RNF19A: variants seen among roughly 807,000 people sequenced by gnomAD.
RNF19A encodes E3 ubiquitin-protein ligase RNF19A.
A neutral mutation model predicts 75.7 loss-of-function variants in RNF19A; 32 were observed. That is an observed-to-expected ratio of 0.42 (90% CI 0.32 to 0.57). RNF19A has a LOEUF of 0.57. Among genes scored for constraint, RNF19A ranks in the 20% least tolerant of loss-of-function variants. The pLI, the probability that RNF19A is intolerant of heterozygous loss-of-function variation, is 0.10. For synonymous variants in RNF19A, 335 were observed against 345.2 expected (o/e 0.97, Z 0.33); for missense variants, 782 against 1,036.3 (o/e 0.75, Z 3.37).
Position 100,258,788 on chromosome 8 carries a change from T to G in RNF19A, c.2285A>C (p.Glu762Ala), listed in dbSNP as rs774770215. ...TRFATVNILPEVENDRLENSP... is the reference protein window; with the variant it reads ...TRFATVNILPAVENDRLENSP... ...ATTTTCCAGACGGTCATTTTCTACC[T>G]CAGGAAGAATGTTAACAGTAGCAAA... The change falls in exon 10 of 10, where the codon GAG becomes GCG. Residue 762 changes from glutamate to alanine, a missense_variant. This residue lies in a region of RNF19A where 442 missense variants were observed against 541.6 expected (regional missense o/e 0.82). Transcript: ENST00000341084. This position sits in a 1 kb window ranked among gnomAD's most constrained non-coding sequence, Gnocchi z 4.3. 25 of 1,614,070 alleles carry G rather than the reference T, an allele frequency of 1.5e-5. No homozygotes were observed. The Admixed American group carries it at 4.2e-4, about 27-fold the overall frequency.
chr8:100,272,044 C>A (rs1045124244), intron 3 of RNF19A, among the ~76,000 whole-genome samples: 6 of 152,128 alleles, frequency 3.9e-5, no homozygotes, highest in Admixed American at 2.0e-4. Flanking sequence ...TTACAAAACA[C>A]CATGTCCTCA....
intron 1 of RNF19A, among the ~76,000 whole-genome samples, chr8:100,301,398 C>T (rs1821820701): frequency 6.6e-6 from 1 of 152,172 alleles, no homozygotes; most frequent in African/African-American, 2.4e-5. Flanking sequence ...TTACAAATTT[C>T]CACTGGTTTC....
chr8:100,307,542 C>G (rs1409003430), intron 1 of RNF19A, among the ~76,000 whole-genome samples: 1 of 148,714 alleles, frequency 6.7e-6, no homozygotes, highest in Non-Finnish European at 1.5e-5. Context: ...TACAAACTGC[C>G]GCAACAAAAA....
rs963641195 is a variant in RNF19A at position 100,264,892 on chromosome 8, G to A, written c.1192-107C>T. 8 of 780,128 alleles carry A rather than the reference G, an allele frequency of 1.0e-5. No individual in the cohort carries two copies. The highest frequency in any genetic ancestry group is 1.7e-5 in the African/African-American group (1 of 57,570). The allele number at this position is 780,128 out of a possible 1,614,324, so 48.3% of individuals were successfully genotyped here. On this transcript the variant is annotated intron_variant, in intron 5 of 9. Transcript: ENST00000341084. The surrounding 1 kb of genome is among the most constrained non-coding windows in gnomAD (Gnocchi z 4.7). ...CTAAAGTGATTTTTCATAGAAGTTC[G>A]TAGCTGAGTATCTTAGTTCAAGGTA...
chr8:100,333,195 GATGCTTTCTGCC>G lies in RNF19A; in HGVS notation c.-243+2901_-243+2912del, dbSNP rs1822632356. On this transcript the variant is annotated intron_variant, in intron 1 of 3. Coordinates refer to the RNF19A transcript ENST00000519527. The surrounding 1 kb of genome is among the most constrained non-coding windows in gnomAD (Gnocchi z 4.7). Reference sequence around the variant, plus strand: ...GTCTTGCTCTTCCTCTTGTCCATGTGATGCTTTCTGCCATGTAATGATGTAGCAAGATGGCCC... The same window carrying G: ...GTCTTGCTCTTCCTCTTGTCCATGTGATGTAATGATGTAGCAAGATGGCCC... Among the ~76,000 whole-genome samples, 1 of 152,156 alleles carries G rather than the reference GATGCTTTCTGCC, an allele frequency of 6.6e-6. No individual in the cohort carries two copies. Among genetic ancestry groups the G allele is most frequent in the African/African-American group, 2.4e-5 (1 of 41,434 alleles).
At chr8:100,296,913 T>C (rs1382299349) in intron 1 of RNF19A, among the ~76,000 whole-genome samples, 4 of 152,208 alleles carry the variant, frequency 2.6e-5, no homozygotes, top group Admixed American at 2.0e-4. Flanking sequence ...AGTCTCCGAT[T>C]CATCACACAA....
intron 1 of RNF19A, among the ~76,000 whole-genome samples, chr8:100,290,009 G>A (rs924138806): frequency 2.0e-5 from 3 of 152,156 alleles, no homozygotes; most frequent in Non-Finnish European, 2.9e-5. Flanking sequence ...TCATACAAAA[G>A]AGTATGTGGT....
chr8:100,335,824 G>A (rs749511100), intron 1 of RNF19A, among the ~76,000 whole-genome samples: 9 of 152,200 alleles, frequency 5.9e-5, no homozygotes, highest in African/African-American at 9.7e-5. Context: ...GCGGAGGTGC[G>A]GGCCTAGACA....
At chr8:100,282,972 A>G (rs1285312550) in intron 2 of RNF19A, among the ~76,000 whole-genome samples, 2 of 152,226 alleles carry the variant, frequency 1.3e-5, no homozygotes, top group Non-Finnish European at 2.9e-5. Flanking sequence ...ACCCAAATGT[A>G]TATGAGTTAT....
upstream of RNF19A, among the ~76,000 whole-genome samples, chr8:100,310,760 A>ATT (rs10715614): frequency 6.7e-6 from 1 of 150,320 alleles, no homozygotes; most frequent in South Asian, 2.1e-4. Context: ...CTTTTATTTC[A>ATT]TTTTTTTTTT....
rs1160023930 is a variant in RNF19A at position 100,264,299 on chromosome 8, G to T, written c.1307-104C>A. The stretch of plus-strand genomic sequence containing the variant: ...TCAAGAGAGTCATACAGAGAAAAGC[G>T]CCAGGGTTCTGAAGAGTTGGCTGGA... On this transcript the variant is annotated intron_variant, in intron 6 of 9. Coordinates refer to ENST00000341084, the MANE Select transcript of RNF19A (RefSeq NM_183419.4). This position sits in a 1 kb window ranked among gnomAD's most constrained non-coding sequence, Gnocchi z 4.7. 16 of 1,008,544 alleles carry T rather than the reference G, an allele frequency of 1.6e-5. No individual in the cohort carries two copies. The highest frequency in any genetic ancestry group is 2.3e-5 in the Non-Finnish European group (16 of 706,902). 62.5% of individuals were successfully genotyped at this position (1,008,544 alleles called of 1,614,324 possible). A position where few individuals can be genotyped will look rare whatever the true frequency, so the allele number is the denominator to read the frequency against.
At position 100,324,278 on chromosome 8, in the gene RNF19A, G is replaced by A. The variant is rs948669035; in HGVS notation, c.-242-10906C>T. 6.6e-6 allele frequency among the ~76,000 whole-genome samples: 1 copy of A among 152,038 alleles called. No individual in the cohort carries two copies. The highest frequency in any genetic ancestry group is 6.6e-5 in the Admixed American group (1 of 15,260). Reference sequence around the variant, plus strand: ...AATAATTTAGTGGCAAGCATTTTGGGGTATAGAAACAATACTTGAGACTAT... The same window carrying A: ...AATAATTTAGTGGCAAGCATTTTGGAGTATAGAAACAATACTTGAGACTAT... On this transcript the variant is annotated intron_variant, in intron 1 of 3. Transcript: ENST00000519527. This position sits in a 1 kb window ranked among gnomAD's most constrained non-coding sequence, Gnocchi z 4.2.
chr8:100,258,132 C>A lies in RNF19A; in HGVS notation c.*424G>T. 2.5e-6 allele frequency: 1 copy of A among 403,508 alleles called. No homozygotes were observed. The highest frequency in any genetic ancestry group is 1.2e-4 in the South Asian group (1 of 8,196). The allele number at this position is 403,508 out of a possible 1,614,324, so 25.0% of individuals were successfully genotyped here. On this transcript the variant is annotated 3_prime_UTR_variant, in exon 10 of 10. Transcript: ENST00000341084. This position sits in a 1 kb window ranked among gnomAD's most constrained non-coding sequence, Gnocchi z 4.3. ...TATACTGAGAGTAACCTATGCAGTT[C>A]TTTTAAACTTATCTCTTTAGTGGTT...
rs1298548331 is a variant in RNF19A at position 100,325,089 on chromosome 8, G to A, written c.-243+11019C>T. Among the ~76,000 whole-genome samples the A allele has an allele frequency of 6.6e-6, 1 of 152,048 alleles. No individual in the cohort carries two copies. The highest frequency in any genetic ancestry group is 2.4e-5 in the African/African-American group (1 of 41,388). The stretch of plus-strand genomic sequence containing the variant: ...AACCGGCTAATTTTTTGTATTTTTA[G>A]TAGAGATGGGGTTTCACCATGTTGG... On this transcript the variant is annotated intron_variant, in intron 1 of 3. Coordinates refer to the RNF19A transcript ENST00000519527. The surrounding 1 kb of genome is among the most constrained non-coding windows in gnomAD (Gnocchi z 4.3).
intron 5 of RNF19A, among the ~76,000 whole-genome samples, chr8:100,267,866 T>C (rs1586605449): frequency 6.6e-6 from 1 of 151,654 alleles, no homozygotes; most frequent in Non-Finnish European, 1.5e-5. Flanking sequence ...TTAGTAGAGA[T>C]GGGGTTTCAC....
chr8:100,279,079 T>C lies in RNF19A; in HGVS notation c.675-3918A>G, dbSNP rs147365295. On this transcript the variant is annotated intron_variant, in intron 2 of 9. Transcript: ENST00000341084. The stretch of plus-strand genomic sequence containing the variant: ...CCTTACAAGTTCTGAGTCTAGAGAC[T>C]TAAACTCATGAAAATGGCTGCTTAT... 1.6e-4 allele frequency among the ~76,000 whole-genome samples: 24 copies of C among 152,328 alleles called. No individual in the cohort carries two copies. In the East Asian group the frequency reaches 4.6e-3, roughly 29 times the overall value.
intron 2 of RNF19A, among the ~76,000 whole-genome samples, chr8:100,283,381 A>G (rs1820872698): frequency 6.6e-6 from 1 of 152,020 alleles, no homozygotes; most frequent in Non-Finnish European, 1.5e-5. Flanking sequence ...CCCTCCCCCA[A>G]TTTTTCTCCC....
Position 100,260,001 on chromosome 8 carries a change from A to C in RNF19A, c.1683-4T>G. ...TACATCTGCTTGTACTTCCAACCTT[A>C]AAGGGGGGTATGAAATCACCAAAAT... On this transcript the variant is annotated splice_polypyrimidine_tract_variant and splice_region_variant and intron_variant, in intron 8 of 9. Transcript: ENST00000341084. This position sits in a 1 kb window ranked among gnomAD's most constrained non-coding sequence, Gnocchi z 4.1. The C allele has an allele frequency of 6.2e-7, 1 of 1,612,762 alleles. No individual in the cohort carries two copies. Among genetic ancestry groups the C allele is most frequent in the Non-Finnish European group, 8.5e-7 (1 of 1,179,186 alleles).
Position 100,287,970 on chromosome 8 carries a change from A to C in RNF19A, c.205T>G (p.Ser69Ala). The change falls in exon 2 of 10, where the codon TCC becomes GCC. Residue 69 changes from serine to alanine, a missense_variant. By Grantham distance (99) the Ser-to-Ala change is moderately conservative. Around this residue, in one of 7 missense-constraint regions of RNF19A, gnomAD observed 148 missense variants for 147.9 expected, o/e 1.00. Transcript: ENST00000341084. This position sits in a 1 kb window ranked among gnomAD's most constrained non-coding sequence, Gnocchi z 4.1. ...APKKRRISIG[S>A]LFRRKKDNKR... ...TTATCTTTTTTCCTCCGAAACAGGGAGCCTATTGAAATTCTTCTTTTTTTG... is the reference window on the plus strand; with the variant it reads ...TTATCTTTTTTCCTCCGAAACAGGGCGCCTATTGAAATTCTTCTTTTTTTG... 1 of 1,614,084 alleles carries C rather than the reference A, an allele frequency of 6.2e-7. No homozygotes were observed.
Sources: gnomAD v4.1 joint callset for allele counts (sites outside exome capture counted in the v4.1 genomes callset) on GRCh38, gnomAD v4.1.1 for gene constraint, gnomAD v4.1.1 regional missense constraint, Gnocchi (gnomAD v3.1) non-coding constraint, MANE v1.5 for transcripts, NCBI Gene and HGNC (gene_info 2026-07-23, HGNC 2026-07-21) for gene names.